RAB38: variants seen among roughly 807,000 people sequenced by gnomAD.
RAB38 encodes the protein ras-related protein Rab-38.
RAB38 carries 15 observed loss-of-function variants against 18.4 expected under a neutral mutation model. The observed-to-expected ratio is 0.82, with a 90% confidence interval of 0.55 to 1.26. The LOEUF is 1.26. Ranked by LOEUF, RAB38 falls within the 50% of genes most tolerant of loss-of-function variation. RAB38 has a pLI of 0.00. For missense variants in RAB38, 294 were observed against 267.4 expected (o/e 1.10, Z -0.69); for synonymous variants, 101 against 104.4 (o/e 0.97, Z 0.20).
chr11:88,173,724 G>C, intron 1 of RAB38: 18 of 985,330 alleles, frequency 1.8e-5, no homozygotes, highest in Non-Finnish European at 2.2e-5. Flanking sequence ...AATTTTTTTA[G>C]ATGAAAAGCC....
At chr11:88,007,064 G>A in the RAB38 span, among the ~76,000 whole-genome samples, 2 of 151,890 alleles carry the variant, frequency 1.3e-5, no homozygotes, top group South Asian at 2.1e-4. Context: ...TTACCCTGAT[G>A]TGATGATTAC....
At chr11:87,913,629 G>A in the RAB38 span, among the ~76,000 whole-genome samples, 1 of 152,090 alleles carries the variant, frequency 6.6e-6, no homozygotes, top group Admixed American at 6.6e-5. Context: ...GCCCTAGTGG[G>A]AGATATGTGA....
chr11:88,031,195 C>T, the RAB38 span, among the ~76,000 whole-genome samples: 3 of 152,214 alleles, frequency 2.0e-5, no homozygotes, highest in African/African-American at 7.2e-5. Flanking sequence ...ATGCTAAAAA[C>T]TCTCAGCAAA....
At chr11:88,026,026 G>A in the RAB38 span, among the ~76,000 whole-genome samples, 474 of 151,926 alleles carry the variant, frequency 3.1e-3, 2 homozygotes, top group African/African-American at 0.01. Context: ...GTGCAATGGC[G>A]CGATTTTGGC....
chr11:87,854,562 A>G, the RAB38 span, among the ~76,000 whole-genome samples: 1 of 152,196 alleles, frequency 6.6e-6, no homozygotes, highest in Non-Finnish European at 1.5e-5. Context: ...TTTAACCACA[A>G]GTAAAGACAT....
the RAB38 span, among the ~76,000 whole-genome samples, chr11:87,976,705 C>T: frequency 2.1e-3 from 149 of 70,188 alleles, 5 homozygotes; most frequent in South Asian, 0.061. Context: ...TATATTTTTA[C>T]ATATTTATAT....
the RAB38 span, among the ~76,000 whole-genome samples, chr11:87,949,439 A>G: frequency 1.9e-4 from 29 of 151,970 alleles, no homozygotes; most frequent in Admixed American, 7.9e-4. Context: ...TAGTTTTTGA[A>G]TGTGTTTGCT....
chr11:87,881,719 T>G, the RAB38 span, among the ~76,000 whole-genome samples: 1 of 151,990 alleles, frequency 6.6e-6, no homozygotes, highest in South Asian at 2.1e-4. Flanking sequence ...CTAAGTATTT[T>G]TTTTTCCTCA....
At chr11:87,911,814 T>A in the RAB38 span, among the ~76,000 whole-genome samples, 6 of 152,022 alleles carry the variant, frequency 3.9e-5, no homozygotes. Context: ...AGATACAGCA[T>A]TCAGTTTCAT....
chr11:88,021,798 G>A, the RAB38 span, among the ~76,000 whole-genome samples: 4 of 142,892 alleles, frequency 2.8e-5, no homozygotes, highest in African/African-American at 5.2e-5. Context: ...AGGTTGCAGC[G>A]AGCTGAGATC....
At chr11:87,934,915 A>G in the RAB38 span, among the ~76,000 whole-genome samples, 1 of 152,070 alleles carries the variant, frequency 6.6e-6, no homozygotes, top group African/African-American at 2.4e-5. Context: ...GATAACAAAG[A>G]GAAGAGTTTG....
chr11:88,043,307 G>C, the RAB38 span, among the ~76,000 whole-genome samples: 3 of 152,118 alleles, frequency 2.0e-5, no homozygotes, highest in Admixed American at 2.0e-4. Flanking sequence ...GCAAAATAAG[G>C]TGCTAAGTCA....
intron 1 of RAB38, among the ~76,000 whole-genome samples, chr11:88,155,200 C>T (rs1439264801): frequency 6.6e-6 from 1 of 152,196 alleles, no homozygotes; most frequent in African/African-American, 2.4e-5. Context: ...TGGTCTGGCC[C>T]CACCCATTGT....
chr11:88,036,781 A>C, the RAB38 span, among the ~76,000 whole-genome samples: 1 of 151,904 alleles, frequency 6.6e-6, no homozygotes, highest in Non-Finnish European at 1.5e-5. Flanking sequence ...ATATTTCCTA[A>C]TACTAATATA....
the RAB38 span, among the ~76,000 whole-genome samples, chr11:87,828,045 T>G: frequency 6.6e-6 from 1 of 152,188 alleles, no homozygotes. Flanking sequence ...TTTTGACAAA[T>G]GTATATGGTA....
At chr11:87,975,747 C>A in the RAB38 span, among the ~76,000 whole-genome samples, 3 of 151,568 alleles carry the variant, frequency 2.0e-5, no homozygotes, top group South Asian at 6.2e-4. Context: ...TGTTATAATT[C>A]TTAGAGCAGC....
the RAB38 span, among the ~76,000 whole-genome samples, chr11:87,856,018 A>G: frequency 6.6e-6 from 1 of 152,174 alleles, no homozygotes; most frequent in Non-Finnish European, 1.5e-5. Context: ...AAAAGTCACA[A>G]TAATTTTGGA....
At chr11:87,907,469 T>A in the RAB38 span, among the ~76,000 whole-genome samples, 1 of 151,754 alleles carries the variant, frequency 6.6e-6, no homozygotes, top group Non-Finnish European at 1.5e-5. Flanking sequence ...AAAAATATAT[T>A]TTTTTCACAT....
At chr11:87,893,473 G>A in the RAB38 span, among the ~76,000 whole-genome samples, 1 of 148,236 alleles carries the variant, frequency 6.7e-6, no homozygotes, top group Non-Finnish European at 1.5e-5. Flanking sequence ...TCAGGAGGAA[G>A]GAAGATGCTT....
Sources: gnomAD v4.1 joint callset for allele counts (sites outside exome capture counted in the v4.1 genomes callset) on GRCh38, gnomAD v4.1.1 for gene constraint, MANE v1.5 for transcripts, NCBI Gene and HGNC (gene_info 2026-07-23, HGNC 2026-07-21) for gene names.